The following FBXW8 variants were observed in gnomAD, a reference collection of about 807,000 sequenced individuals.
FBXW8 encodes F-box/WD repeat-containing protein 8.
A neutral mutation model predicts 65.3 loss-of-function variants in FBXW8; 57 were observed. The ratio of observed to expected loss-of-function variants is 0.87; its 90% CI spans 0.71 to 1.09. The LOEUF (loss-of-function observed/expected upper bound fraction) is 1.09. Among genes scored for constraint, FBXW8 ranks in the 50% least tolerant of loss-of-function variants. The pLI is 0.00. For synonymous variants in FBXW8, 308 were observed against 330.2 expected (o/e 0.93, Z 0.73); for missense variants, 777 against 814.8 (o/e 0.95, Z 0.57).
intron 5 of FBXW8, among the ~76,000 whole-genome samples, chr12:116,966,748 T>C (rs959489260): frequency 3.9e-5 from 6 of 152,194 alleles, no homozygotes; most frequent in South Asian, 2.1e-4. Context: ...AGGGTTTTGC[T>C]GTGCCACCCA....
chr12:116,964,910 T>C (rs1884220982), intron 5 of FBXW8, 56 bp downstream of exon 5: 5 of 1,521,152 alleles, frequency 3.3e-6, no homozygotes, highest in Non-Finnish European at 3.5e-6. Flanking sequence ...TTACAAAAAT[T>C]AAGCAGCTGT....
At chr12:117,018,953 T>TGAA (rs973660439) in intron 8 of FBXW8, among the ~76,000 whole-genome samples, 8 of 151,622 alleles carry the variant, frequency 5.3e-5, no homozygotes, top group African/African-American at 2.0e-4. Context: ...AAATATGCAC[T>TGAA]GAAAAGTACT....
chr12:117,005,815 G>A (rs1344131140), intron 7 of FBXW8, among the ~76,000 whole-genome samples: 1 of 152,218 alleles, frequency 6.6e-6, no homozygotes, highest in African/African-American at 2.4e-5. Flanking sequence ...GTTCAGAAGA[G>A]CCAAGAGCCA....
intron 9 of FBXW8, among the ~76,000 whole-genome samples, chr12:117,025,625 G>A (rs530464019): frequency 6.6e-6 from 1 of 152,330 alleles, no homozygotes; most frequent in South Asian, 2.1e-4. Context: ...TTATCAGACA[G>A]AGCCCTGGGT....
chr12:116,920,177 T>C (rs76329540), intron 1 of FBXW8, among the ~76,000 whole-genome samples: 3 of 152,338 alleles, frequency 2.0e-5, no homozygotes, highest in East Asian at 3.9e-4. Flanking sequence ...AAAAAGTTCT[T>C]ATCCTCAGTG....
At chr12:116,920,692 G>A (rs992316255) in intron 1 of FBXW8, among the ~76,000 whole-genome samples, 2 of 152,118 alleles carry the variant, frequency 1.3e-5, no homozygotes, top group African/African-American at 4.8e-5. Flanking sequence ...CAAGTGCAAA[G>A]GTTCTGTGGT....
chr12:116,933,172 T>G (rs1881904897), intron 2 of FBXW8, among the ~76,000 whole-genome samples: 1 of 152,216 alleles, frequency 6.6e-6, no homozygotes, highest in Non-Finnish European at 1.5e-5. Context: ...AAAACAAGAG[T>G]GTAGCTAAAT....
chr12:116,972,147 A>G (rs1339357179), intron 5 of FBXW8, among the ~76,000 whole-genome samples: 1 of 152,234 alleles, frequency 6.6e-6, no homozygotes, highest in Non-Finnish European at 1.5e-5. Context: ...TTAATAATAG[A>G]CATTAAGATG....
intron 5 of FBXW8, among the ~76,000 whole-genome samples, chr12:116,966,340 G>C (rs1487153242): frequency 2.0e-5 from 3 of 152,048 alleles, no homozygotes; most frequent in Non-Finnish European, 4.4e-5. Context: ...TATAGTTTTA[G>C]GATCATCTAA....
intron 7 of FBXW8, among the ~76,000 whole-genome samples, chr12:117,008,845 A>G (rs558954991): frequency 2.0e-5 from 3 of 152,314 alleles, no homozygotes; most frequent in Non-Finnish European, 2.9e-5. Context: ...TCATGCCTGT[A>G]ATCTCAGCAT....
intron 9 of FBXW8, among the ~76,000 whole-genome samples, chr12:117,025,695 C>G (rs1000258212): frequency 6.6e-6 from 1 of 152,198 alleles, no homozygotes; most frequent in Non-Finnish European, 1.5e-5. Flanking sequence ...GGCCCTTTTT[C>G]TGAATGGTGA....
At chr12:116,997,206 G>T (rs993321391) in intron 7 of FBXW8, among the ~76,000 whole-genome samples, 21 of 152,216 alleles carry the variant, frequency 1.4e-4, no homozygotes, top group African/African-American at 4.8e-4. Context: ...CTCTGGCTTA[G>T]ATGCTTTTGA....
At chr12:116,924,053 T>C (rs1394901747) in intron 1 of FBXW8, among the ~76,000 whole-genome samples, 1 of 152,256 alleles carries the variant, frequency 6.6e-6, no homozygotes, top group Admixed American at 6.5e-5. Flanking sequence ...TGTTGATATT[T>C]TTATAGTTTG....
Position 116,997,961 on chromosome 12 carries a change from G to A in FBXW8, c.1239+9092G>A, listed in dbSNP as rs535275170. The stretch of plus-strand genomic sequence containing the variant: ...TTCCCCAGTAGCTGGGACTACAGGC[G>A]TGTGCCACCATGCCTAGCTAATTTT... On this transcript the variant is annotated intron_variant, in intron 7 of 10. Coordinates refer to ENST00000652555, the MANE Select transcript of FBXW8 (RefSeq NM_153348.3). 4.9e-3 allele frequency among the ~76,000 whole-genome samples: 743 copies of A among 152,246 alleles called. 4 individuals are homozygous for A. Among genetic ancestry groups the A allele is most frequent in the African/African-American group, 0.016 (663 of 41,538 alleles).
intron 7 of FBXW8, among the ~76,000 whole-genome samples, chr12:116,997,611 G>A (rs1000229309): frequency 4.6e-5 from 7 of 152,168 alleles, no homozygotes; most frequent in Non-Finnish European, 1.0e-4. Context: ...ATCAGGCAAA[G>A]CCTGGGAGAG....
intron 5 of FBXW8, among the ~76,000 whole-genome samples, chr12:116,975,731 G>A (rs955951558): frequency 6.6e-6 from 1 of 152,170 alleles, no homozygotes; most frequent in African/African-American, 2.4e-5. Context: ...AACACCTTCT[G>A]ATTTTAAATA....
intron 7 of FBXW8, chr12:117,002,363 C>T (rs1953546832): frequency 6.6e-6 from 1 of 152,302 alleles, no homozygotes; most frequent in African/African-American, 2.4e-5. Flanking sequence ...GCGGCTCAGG[C>T]TGCTTCTCCC....
chr12:117,024,962 G>A (rs571526723), intron 9 of FBXW8, among the ~76,000 whole-genome samples: 1 of 152,298 alleles, frequency 6.6e-6, no homozygotes, highest in East Asian at 1.9e-4. Flanking sequence ...CGTCACAGAG[G>A]TAGGTAGGTT....
intron 5 of FBXW8, among the ~76,000 whole-genome samples, chr12:116,976,043 G>A (rs1884907811): frequency 6.6e-6 from 1 of 152,192 alleles, no homozygotes; most frequent in Admixed American, 6.5e-5. Context: ...ATTTGGGAAA[G>A]CTGGATGAAG....
Sources: allele counts gnomAD v4.1 joint callset (sites outside exome capture counted in the v4.1 genomes callset), GRCh38; gene constraint gnomAD v4.1.1; transcripts MANE v1.5; gene names NCBI Gene and HGNC (gene_info 2026-07-23, HGNC 2026-07-21).